The following TUT7 variants were observed in gnomAD, a reference collection of about 807,000 sequenced individuals.
TUT7 encodes terminal uridylyltransferase 7.
TUT7 carries 33 observed loss-of-function variants against 165.9 expected under a neutral mutation model. That is an observed-to-expected ratio of 0.20 (90% CI 0.15 to 0.27). TUT7 has a LOEUF of 0.27. Among genes scored for constraint, TUT7 ranks in the 10% least tolerant of loss-of-function variants. TUT7 has a pLI of 1.00. For synonymous variants in TUT7, 552 were observed against 608.1 expected (o/e 0.91, Z 1.36); for missense variants, 1,338 against 1,762.3 (o/e 0.76, Z 4.31).
intron 14 of TUT7, among the ~76,000 whole-genome samples, chr9:86,321,012 A>T (rs758309227): frequency 1.3e-5 from 2 of 152,160 alleles, no homozygotes; most frequent in Non-Finnish European, 2.9e-5. Context: ...CAACCTTTAC[A>T]TAGCCCAGCT....
At chr9:86,330,082 G>C (rs1480498640) in intron 10 of TUT7, among the ~76,000 whole-genome samples, 2 of 152,030 alleles carry the variant, frequency 1.3e-5, no homozygotes, top group African/African-American at 4.8e-5. Flanking sequence ...TTCTGAGGCA[G>C]AGTCTCACCC....
At position 86,303,752 on chromosome 9, in the gene TUT7, G is replaced by C. The variant is rs1827177867; in HGVS notation, c.3979-551C>G. ...GAGGCCAGCAACATGAGCATCCCCA[G>C]GGAGCTTGCTGGAAAAGCAGTCTTG... On this transcript the variant is annotated intron_variant, in intron 24 of 26. Transcript: ENST00000375963. Among the ~76,000 whole-genome samples, 2 of 152,178 alleles carry C rather than the reference G, an allele frequency of 1.3e-5. 1 individual carries two copies. The highest frequency in any genetic ancestry group is 4.8e-5 in the African/African-American group (2 of 41,446).
chr9:86,347,502 C>T (rs749959188), intron 2 of TUT7, among the ~76,000 whole-genome samples: 8 of 152,082 alleles, frequency 5.3e-5, no homozygotes, highest in Admixed American at 2.0e-4. Flanking sequence ...CTCATTACTA[C>T]TAGTATGGCA....
intron 26 of TUT7, among the ~76,000 whole-genome samples, chr9:86,297,425 C>T (rs574701746): frequency 3.9e-5 from 6 of 152,274 alleles, no homozygotes; most frequent in Non-Finnish European, 7.4e-5. Flanking sequence ...ATTACACCCA[C>T]GTAATTGTAA....
rs766442377 is a variant in TUT7, at chr9:86,309,978, T to C, written c.3418A>G (p.Ile1140Val). ...CACAAATACTTCACTCTGGGATCAA[T>C]GGCGGAATAAGCAGATAAAAGCCTT... is the stretch of plus-strand genomic sequence containing the variant. ...NTRLLSAYSA[I>V]DPRVKYLCYT... Residue 1140 changes from isoleucine to valine, a missense_variant, in exon 19 of 27, where the codon ATT becomes GTT. Ile to Val is a conservative substitution (Grantham distance 29). This residue lies in a region of TUT7 where 157 missense variants were observed against 357.5 expected (regional missense o/e 0.44). Transcript: ENST00000375963. The C allele has an allele frequency of 3.8e-5, 62 of 1,613,704 alleles. No homozygotes were observed. Among genetic ancestry groups the C allele is most frequent in the Non-Finnish European group, 5.2e-5 (61 of 1,179,860 alleles).
intron 10 of TUT7, among the ~76,000 whole-genome samples, chr9:86,334,119 G>A (rs1305645124): frequency 6.6e-6 from 1 of 151,856 alleles, no homozygotes; most frequent in African/African-American, 2.4e-5. Flanking sequence ...ACTTAGATGA[G>A]AAAGGAAGGC....
Position 86,301,618 on chromosome 9 carries a change from A to G in TUT7, c.4095-17T>C, listed in dbSNP as rs1293104019. On this transcript the variant is annotated splice_polypyrimidine_tract_variant and intron_variant, in intron 25 of 26. Coordinates refer to ENST00000375963, the MANE Select transcript of TUT7 (RefSeq NM_024617.4). ...CGTCTTACTCTGTAGAAGATATCAT[A>G]TTAGTAGCAAAAATCTAAACAGAAG... The G allele has an allele frequency of 1.3e-6, 2 of 1,584,498 alleles. No individual in the cohort carries two copies. The highest frequency in any genetic ancestry group is 1.7e-6 in the Non-Finnish European group (2 of 1,170,358).
In TUT7 at chr9:86,319,006, CTGTT is replaced by C; in HGVS notation, c.3164_3167del (p.Lys1055ArgfsTer8). ...TTGTCATACAGACGTCAAGGTCACT[CTGTT>C]TGAACCCAAATCCATTTTTGGAGGA... is the stretch of plus-strand genomic sequence containing the variant. On this transcript the variant is annotated frameshift_variant, in exon 16 of 27. Coordinates refer to ENST00000375963, the MANE Select transcript of TUT7 (RefSeq NM_024617.4). LOFTEE classifies it high-confidence loss of function. 1 of 1,613,948 alleles carries C rather than the reference CTGTT, an allele frequency of 6.2e-7. No individual in the cohort carries two copies. The highest frequency in any genetic ancestry group is 8.5e-7 in the Non-Finnish European group (1 of 1,179,940).
chr9:86,301,285 C>T lies in TUT7; in HGVS notation c.4411G>A (p.Gly1471Ser). ...TGATAGGTGTCCATACCTGAAGAGC[C>T]TTTAAACTGTGGGCATTCCTTTTTA... is the stretch of plus-strand genomic sequence containing the variant. ...HIKKECPQFK[G>S]SSGSLSSKYM... The change falls in exon 26 of 27, where the codon GGC becomes AGC. Residue 1471 changes from glycine (G) to serine (S), a missense_variant. Physicochemically the swap from Gly to Ser is moderately conservative, Grantham distance 56. Transcript: ENST00000375963. 6.2e-7 allele frequency: 1 copy of T among 1,613,640 alleles called. No individual in the cohort carries two copies. The highest frequency in any genetic ancestry group is 8.5e-7 in the Non-Finnish European group (1 of 1,179,796).
intron 12 of TUT7, 41 bp from the exon 13 acceptor site, chr9:86,324,001 A>C (rs773761572): frequency 7.2e-7 from 1 of 1,389,388 alleles, no homozygotes; most frequent in Non-Finnish European, 9.5e-7. Flanking sequence ...CCATCTCTTC[A>C]TATGTTACTA....
At position 86,316,148 on chromosome 9, in the gene TUT7, AAAG is replaced by A. The variant is rs577976284; in HGVS notation, c.3274+1068_3274+1070del. Among the ~76,000 whole-genome samples, 11 of 152,318 alleles carry A rather than the reference AAAG, an allele frequency of 7.2e-5. No homozygotes were observed. In the South Asian group the frequency reaches 1.0e-3, roughly 14 times the overall value. ...CAGAAGTTTGCTGAACTACATTTTA[AAAG>A]AAGATTTTTCACTGTTAATGGTATC... On this transcript the variant is annotated intron_variant, in intron 17 of 26. Transcript: ENST00000375963.
intron 1 of TUT7, 70 bp downstream of exon 1, chr9:86,354,201 T>C (rs1430503069): frequency 6.6e-6 from 1 of 152,670 alleles, no homozygotes; most frequent in Non-Finnish European, 1.5e-5. Context: ...GCTCAGCCTC[T>C]GCCGGCCTGG....
chr9:86,336,408 C>G (rs1830786211), intron 10 of TUT7, among the ~76,000 whole-genome samples: 1 of 152,134 alleles, frequency 6.6e-6, no homozygotes, highest in Non-Finnish European at 1.5e-5. Context: ...AGAGAACTAC[C>G]TTTAGGTTAC....
chr9:86,351,153 A>T (rs1196610223), intron 2 of TUT7, among the ~76,000 whole-genome samples: 3 of 135,494 alleles, frequency 2.2e-5, no homozygotes, highest in African/African-American at 5.7e-5. Context: ...AAAAAAAATC[A>T]GGCTGAATGT....
intron 17 of TUT7, among the ~76,000 whole-genome samples, chr9:86,315,427 G>C (rs979318210): frequency 2.6e-5 from 4 of 152,174 alleles, no homozygotes; most frequent in Non-Finnish European, 5.9e-5. Context: ...GGAAGAAATT[G>C]AGAGCAAGCA....
At chr9:86,331,926 A>G (rs975204638) in intron 10 of TUT7, among the ~76,000 whole-genome samples, 5 of 152,196 alleles carry the variant, frequency 3.3e-5, no homozygotes, top group African/African-American at 9.7e-5. Context: ...AACCCCATTA[A>G]AAAGTTTGGG....
intron 11 of TUT7, among the ~76,000 whole-genome samples, chr9:86,326,790 C>A (rs1189577955): frequency 2.0e-5 from 3 of 152,048 alleles, no homozygotes; most frequent in Non-Finnish European, 4.4e-5. Flanking sequence ...GATCTCAGTA[C>A]AGTGCACACC....
intron 14 of TUT7, among the ~76,000 whole-genome samples, chr9:86,322,009 G>A (rs1347770919): frequency 6.6e-6 from 1 of 152,008 alleles, no homozygotes; most frequent in African/African-American, 2.4e-5. Flanking sequence ...CTGGGAGGTC[G>A]AGGCTGCAGT....
At chr9:86,309,134 G>A in intron 21 of TUT7, 78 bp downstream of exon 21, 1 of 829,296 alleles carries the variant, frequency 1.2e-6, no homozygotes, top group Non-Finnish European at 2.0e-6. Flanking sequence ...CAATAAAATA[G>A]TTGTTGAACA....
Sources: allele counts gnomAD v4.1 joint callset (sites outside exome capture counted in the v4.1 genomes callset), GRCh38; gene constraint gnomAD v4.1.1; regional missense constraint gnomAD v4.1.1; transcripts MANE v1.5; gene names NCBI Gene and HGNC (gene_info 2026-07-23, HGNC 2026-07-21).